The following KCNH8 variants were observed in gnomAD, a reference collection of about 807,000 sequenced individuals.
KCNH8 encodes voltage-gated delayed rectifier potassium channel KCNH8.
Under a neutral mutation model 103.6 loss-of-function variants are expected in KCNH8, and 70 were observed. The ratio of observed to expected loss-of-function variants is 0.68; its 90% CI spans 0.56 to 0.82. KCNH8 has a LOEUF of 0.82. Among genes scored for constraint, KCNH8 ranks in the 40% least tolerant of loss-of-function variants. KCNH8 has a pLI of 0.00. For synonymous variants in KCNH8, 498 were observed against 489.4 expected, an observed-to-expected ratio of 1.02 and a Z score of -0.23; for missense variants, 1,217 against 1,329.9, an observed-to-expected ratio of 0.92 and a Z score of 1.32.
At chr3:19,432,299 C>T (rs1171057359) in intron 7 of KCNH8, among the ~76,000 whole-genome samples, 1 of 152,070 alleles carries the variant, frequency 6.6e-6, no homozygotes, top group African/African-American at 2.4e-5. Context: ...TGACAACACC[C>T]TATCCTTTTA....
chr3:19,530,134 T>C (rs374367852), intron 15 of KCNH8, among the ~76,000 whole-genome samples: 12 of 152,070 alleles, frequency 7.9e-5, no homozygotes, highest in African/African-American at 2.7e-4. Context: ...GAGAGTAGAA[T>C]GATGATTACC....
At chr3:19,181,312 T>G (rs528499355) in intron 1 of KCNH8, among the ~76,000 whole-genome samples, 1 of 151,872 alleles carries the variant, frequency 6.6e-6, no homozygotes, top group African/African-American at 2.4e-5. Context: ...TTCATTTCAC[T>G]CCAGAAGTTA....
At chr3:19,433,789 C>CTGG in intron 7 of KCNH8, among the ~76,000 whole-genome samples, 1 of 152,302 alleles carries the variant, frequency 6.6e-6, no homozygotes, top group Non-Finnish European at 1.5e-5. Context: ...CCTAAATTTA[C>CTGG]TGATGCCTTC....
At chr3:19,338,338 A>G (rs1217001380) in intron 3 of KCNH8, among the ~76,000 whole-genome samples, 2 of 152,000 alleles carry the variant, frequency 1.3e-5, no homozygotes, top group Non-Finnish European at 2.9e-5. Flanking sequence ...CTTATTAACA[A>G]CTATTGATTC....
intron 1 of KCNH8, among the ~76,000 whole-genome samples, chr3:19,234,729 C>T (rs985287757): frequency 6.6e-6 from 1 of 152,262 alleles, no homozygotes; most frequent in African/African-American, 2.4e-5. Flanking sequence ...TCAAGTGCCG[C>T]CAAAGTAGGA....
At position 19,367,415 on chromosome 3, in the gene KCNH8, TATCAGAAATATATATATCATAA is replaced by T. The variant is rs1394538653; in HGVS notation, c.811+19451_811+19472del. On this transcript the variant is annotated intron_variant, in intron 5 of 15. Transcript: ENST00000328405. ...CTCTCTATATATATATTTATATATA[TATCAGAAATATATATATCATAA>T]TATATATATATCAGAAATATATATA... 1.7e-4 allele frequency among the ~76,000 whole-genome samples: 25 copies of T among 146,460 alleles called. No individual in the cohort carries two copies. The East Asian group carries it at 4.6e-3, about 27-fold the overall frequency.
At chr3:19,226,693 A>C (rs1391714062) in intron 1 of KCNH8, among the ~76,000 whole-genome samples, 2 of 151,888 alleles carry the variant, frequency 1.3e-5, no homozygotes, top group African/African-American at 4.8e-5. Flanking sequence ...ACTGATGTTT[A>C]GGCTATTCAG....
chr3:19,443,704 G>A (rs201150465), intron 8 of KCNH8, among the ~76,000 whole-genome samples: 30 of 151,764 alleles, frequency 2.0e-4, no homozygotes, highest in East Asian at 1.7e-3. Context: ...ATTAATGAGC[G>A]AATTCAATAA....
intron 1 of KCNH8, among the ~76,000 whole-genome samples, chr3:19,198,219 A>G (rs539227760): frequency 1.3e-3 from 195 of 152,236 alleles, no homozygotes; most frequent in African/African-American, 4.5e-3. Flanking sequence ...ATAAATGAAT[A>G]AAGAGGGGCA....
At position 19,366,786 on chromosome 3, in the gene KCNH8, C is replaced by T. The variant is rs183666793; in HGVS notation, c.811+18821C>T. Among the ~76,000 whole-genome samples the T allele has an allele frequency of 2.2e-4, 33 of 152,060 alleles. No individual in the cohort carries two copies. The East Asian group carries it at 2.5e-3, about 12-fold the overall frequency. On this transcript the variant is annotated intron_variant, in intron 5 of 15. Transcript: ENST00000328405. ...TCCTATTGGAATAACCTCCTCTTCCCGTCACTCCAATAGTTTTAAGATCAG... is the reference window on the plus strand; with the variant it reads ...TCCTATTGGAATAACCTCCTCTTCCTGTCACTCCAATAGTTTTAAGATCAG...
At position 19,460,556 on chromosome 3, in the gene KCNH8, T is replaced by C. The variant is rs77565304; in HGVS notation, c.2040+3574T>C. Among the ~76,000 whole-genome samples the C allele has an allele frequency of 3.6e-3, 551 of 152,290 alleles. 5 individuals carry two copies. The highest frequency in any genetic ancestry group is 0.013 in the African/African-American group (523 of 41,562). ...AAGGATGGTCCTTTCTCATCTCTTC[T>C]ATTCTATCTTACAATGAAATAGCAA... On this transcript the variant is annotated intron_variant, in intron 11 of 15. Coordinates refer to ENST00000328405, the MANE Select transcript of KCNH8 (RefSeq NM_144633.3).
At chr3:19,358,924 C>A (rs1315091896) in intron 5 of KCNH8, among the ~76,000 whole-genome samples, 2 of 150,212 alleles carry the variant, frequency 1.3e-5, no homozygotes, top group Admixed American at 6.7e-5. Flanking sequence ...AAAAAAAAAC[C>A]TAAGGAAATA....
intron 3 of KCNH8, among the ~76,000 whole-genome samples, chr3:19,283,732 A>G (rs888909066): frequency 5.9e-5 from 9 of 151,786 alleles, no homozygotes; most frequent in African/African-American, 9.7e-5. Context: ...CTCGAGCAAC[A>G]TAGGGAGACT....
chr3:19,340,276 TTAAA>T (rs746502494), intron 3 of KCNH8, among the ~76,000 whole-genome samples: 2 of 152,036 alleles, frequency 1.3e-5, no homozygotes, highest in African/African-American at 2.4e-5. Flanking sequence ...ATGATGAAGC[TTAAA>T]TAAACAGATT....
chr3:19,383,337 A>G (rs1243988632), intron 5 of KCNH8, among the ~76,000 whole-genome samples: 2 of 152,036 alleles, frequency 1.3e-5, no homozygotes, highest in African/African-American at 2.4e-5. Context: ...ACAAACATCA[A>G]TTATATTAAC....
intron 4 of KCNH8, chr3:19,346,602 A>C (rs1337126894): frequency 4.4e-6 from 2 of 456,098 alleles, no homozygotes; most frequent in African/African-American, 4.0e-5. Flanking sequence ...GACAGTCACC[A>C]CTTAGAGCTA....
At chr3:19,352,880 AATCAG>A (rs1165032304) in intron 5 of KCNH8, among the ~76,000 whole-genome samples, 1 of 152,090 alleles carries the variant, frequency 6.6e-6, no homozygotes, top group African/African-American at 2.4e-5. Context: ...AAATAACTAA[AATCAG>A]AGCAGAGCTA....
intron 11 of KCNH8, among the ~76,000 whole-genome samples, chr3:19,478,544 C>A (rs2068022638): frequency 6.6e-6 from 1 of 152,082 alleles, no homozygotes; most frequent in Admixed American, 6.6e-5. Flanking sequence ...TTGAAAGACA[C>A]ACACAAACAA....
chr3:19,272,948 T>C (rs2064610635), intron 2 of KCNH8, among the ~76,000 whole-genome samples: 3 of 152,190 alleles, frequency 2.0e-5, no homozygotes, highest in Non-Finnish European at 4.4e-5. Flanking sequence ...CACTGATGTA[T>C]CCAAACAGTT....
Sources: allele counts gnomAD v4.1 joint callset (sites outside exome capture counted in the v4.1 genomes callset), GRCh38; gene constraint gnomAD v4.1.1; transcripts MANE v1.5; gene names NCBI Gene and HGNC (gene_info 2026-07-23, HGNC 2026-07-21).